Variants in DDX60L observed in about 807,000 individuals in gnomAD.
DDX60L encodes the protein probable ATP-dependent RNA helicase DDX60-like.
A neutral mutation model predicts 211.6 loss-of-function variants in DDX60L; 191 were observed. The ratio of observed to expected loss-of-function variants is 0.90; its 90% CI spans 0.80 to 1.02. DDX60L has a LOEUF of 1.02. DDX60L is among the 50% of genes least tolerant of loss of function. DDX60L has a pLI of 0.00. For synonymous variants in DDX60L, 706 were observed against 694.1 expected (o/e 1.02, Z -0.27); for missense variants, 2,007 against 1,984.1 (o/e 1.01, Z -0.22).
rs755889103 is a variant in DDX60L, at chr4:168,416,686, T to C, written c.2722A>G (p.Thr908Ala). Residue 908 changes from threonine (T) to alanine (A), a missense_variant, in exon 20 of 38, where the codon ACC becomes GCC. Transcript: ENST00000682922. ...ACTCTTTTTACCTATACCTACTTGG[T>C]GAGAAGATTTGGGTTATTTATGGTA... ...SATINNPNLL[T>A]KWLQSVKQYW... 1 of 1,588,064 alleles carries C rather than the reference T, an allele frequency of 6.3e-7. No homozygotes were observed. The highest frequency in any genetic ancestry group is 2.2e-5 in the East Asian group (1 of 44,466).
chr4:168,376,795 G>T (rs1742022850), intron 33 of DDX60L, among the ~76,000 whole-genome samples: 1 of 152,192 alleles, frequency 6.6e-6, no homozygotes, highest in African/African-American at 2.4e-5. Context: ...GCCCCATCAG[G>T]AGAGCAAGCT....
At chr4:168,378,504 TAAG>T in intron 32 of DDX60L, 29 bp from the exon 33 acceptor site, 3 of 1,483,064 alleles carry the variant, frequency 2.0e-6, no homozygotes, top group Non-Finnish European at 2.7e-6. Flanking sequence ...TTATTATAAA[TAAG>T]AATAATGTTG....
chr4:168,391,408 C>T, intron 29 of DDX60L, 132 bp downstream of exon 29: 1 of 627,478 alleles, frequency 1.6e-6, no homozygotes, highest in Non-Finnish European at 2.9e-6. Flanking sequence ...CCACTCAACT[C>T]AAAAATGCTA....
At chr4:168,472,080 C>T (rs1758859492) in intron 3 of DDX60L, 144 bp from the exon 4 acceptor site, 2 of 636,502 alleles carry the variant, frequency 3.1e-6, no homozygotes. Context: ...CTCATTTAAG[C>T]AACTGTCCTT....
intron 4 of DDX60L, among the ~76,000 whole-genome samples, chr4:168,463,228 A>G (rs1023250669): frequency 1.3e-5 from 2 of 152,362 alleles, no homozygotes; most frequent in Admixed American, 6.5e-5. Flanking sequence ...ACATGAAATC[A>G]AACTAAGTCA....
chr4:168,467,168 G>C (rs886555054), intron 4 of DDX60L, among the ~76,000 whole-genome samples: 7 of 152,074 alleles, frequency 4.6e-5, no homozygotes, highest in African/African-American at 1.7e-4. Flanking sequence ...CAACACTCTG[G>C]GTGGCCAAGA....
At chr4:168,471,222 C>T (rs928726654) in intron 4 of DDX60L, among the ~76,000 whole-genome samples, 3 of 152,044 alleles carry the variant, frequency 2.0e-5, no homozygotes, top group Non-Finnish European at 2.9e-5. Flanking sequence ...TATTTTGAAA[C>T]GTACCCCCAA....
chr4:168,421,774 C>G lies in DDX60L; in HGVS notation c.2380G>C (p.Val794Leu), dbSNP rs376164834. 6.2e-7 allele frequency: 1 copy of G among 1,613,958 alleles called. No individual in the cohort carries two copies. Among genetic ancestry groups the G allele is most frequent in the East Asian group, 2.2e-5 (1 of 44,902 alleles). The stretch of plus-strand genomic sequence containing the variant: ...TCAAACACTACCTTTGCGGGTGCAA[C>G]GTACACAACCACCCCGACATCGCTC... ...RESDVGVVVY[V>L]APAKSLVGQV... The change falls in exon 17 of 38, where the codon GTT becomes CTT. Residue 794 changes from valine (V) to leucine (L), a missense_variant. Physicochemically the swap from Val to Leu is conservative, Grantham distance 32. Coordinates refer to ENST00000682922, the MANE Select transcript of DDX60L (RefSeq NM_001012967.3).
rs1269651698 is a variant in DDX60L, at chr4:168,391,696, G to C, written c.3811-52C>G. 5.1e-6 allele frequency: 5 copies of C among 978,672 alleles called. No homozygotes were observed. The East Asian group carries it at 1.4e-4, about 27-fold the overall frequency. 60.6% of individuals were successfully genotyped at this position (978,672 alleles called of 1,614,324 possible). A position where few individuals can be genotyped will look rare whatever the true frequency, so the allele number is the denominator to read the frequency against. ...ATACACAATATAGCATATCTATAAG[G>C]ACACAAGATCTATTTTCCACTCCAG... On this transcript the variant is annotated intron_variant, in intron 28 of 37. Coordinates refer to ENST00000682922, the MANE Select transcript of DDX60L (RefSeq NM_001012967.3).
At chr4:168,410,458 A>G (rs1245537359) in intron 22 of DDX60L, among the ~76,000 whole-genome samples, 2 of 152,246 alleles carry the variant, frequency 1.3e-5, no homozygotes, top group African/African-American at 2.4e-5. Flanking sequence ...GCCAGGCTAC[A>G]AAGTCTGAAA....
At chr4:168,381,141 A>C (rs1026346460) in intron 30 of DDX60L, among the ~76,000 whole-genome samples, 4 of 152,240 alleles carry the variant, frequency 2.6e-5, no homozygotes, top group African/African-American at 7.2e-5. Context: ...GCAGAGTATA[A>C]ATCTGAAAAA....
chr4:168,361,223 A>G lies in DDX60L; in HGVS notation c.4929-12T>C, dbSNP rs752770550. 4 of 1,532,502 alleles carry G rather than the reference A, an allele frequency of 2.6e-6. No individual in the cohort carries two copies. The highest frequency in any genetic ancestry group is 1.7e-4 in the Middle Eastern group (1 of 5,880). 94.9% of individuals were successfully genotyped at this position (1,532,502 alleles called of 1,614,324 possible). A position where few individuals can be genotyped will look rare whatever the true frequency, so the allele number is the denominator to read the frequency against. ...GTCCCATACGCATCCTAAAGAGAAC[A>G]ACATTTCTTAATTAAAAAGTATAAA... On this transcript the variant is annotated splice_polypyrimidine_tract_variant and intron_variant, in intron 36 of 37. Coordinates refer to ENST00000682922, the MANE Select transcript of DDX60L (RefSeq NM_001012967.3).
intron 36 of DDX60L, among the ~76,000 whole-genome samples, chr4:168,364,882 A>G (rs1210861570): frequency 2.0e-5 from 3 of 152,230 alleles, no homozygotes; most frequent in Non-Finnish European, 4.4e-5. Context: ...ATGCTCTGGA[A>G]AATTTACAAA....
At position 168,365,378 on chromosome 4, in the gene DDX60L, C is replaced by G. The variant is rs1275913045; in HGVS notation, c.4929-4167G>C. ...CAGAAGTACAAAAAATAATAAGATA[C>G]TATTATCAACAACTATACACTAACA... is the stretch of plus-strand genomic sequence containing the variant. On this transcript the variant is annotated intron_variant, in intron 36 of 37. Coordinates refer to ENST00000682922, the MANE Select transcript of DDX60L (RefSeq NM_001012967.3). Among the ~76,000 whole-genome samples the G allele has an allele frequency of 2.0e-5, 3 of 151,852 alleles. No homozygotes were observed. The South Asian group carries it at 6.2e-4, about 32-fold the overall frequency.
chr4:168,384,368 T>C (rs969282426), intron 30 of DDX60L, among the ~76,000 whole-genome samples: 2 of 152,144 alleles, frequency 1.3e-5, no homozygotes, highest in Non-Finnish European at 2.9e-5. Flanking sequence ...ACACCTGTAG[T>C]CCCAGCTACT....
At chr4:168,418,722 A>G (rs887211938) in intron 19 of DDX60L, among the ~76,000 whole-genome samples, 1 of 150,256 alleles carries the variant, frequency 6.7e-6, no homozygotes, top group African/African-American at 2.4e-5. Context: ...TTTGATAATA[A>G]CATAGCTATG....
rs138621715 is a variant in DDX60L, at chr4:168,401,717, G to T, written c.3339-739C>A. ...CTCATTCTAGGCTGAGTTCACCATA[G>T]AATTTTTTCGAATACTACTTGTGAG... On this transcript the variant is annotated intron_variant, in intron 25 of 37. Transcript: ENST00000682922. 6.4e-3 allele frequency among the ~76,000 whole-genome samples: 980 copies of T among 152,254 alleles called. 9 individuals are homozygous for T. The highest frequency in any genetic ancestry group is 0.01 in the Non-Finnish European group (700 of 68,026).
At chr4:168,388,114 T>C (rs1259094954) in intron 29 of DDX60L, among the ~76,000 whole-genome samples, 1 of 152,244 alleles carries the variant, frequency 6.6e-6, no homozygotes, top group Admixed American at 6.5e-5. Context: ...TAATTGCTAT[T>C]TGAGATACAA....
chr4:168,402,039 T>A (rs759807027), intron 25 of DDX60L, among the ~76,000 whole-genome samples: 1 of 151,972 alleles, frequency 6.6e-6, no homozygotes, highest in South Asian at 2.1e-4. Flanking sequence ...CCAAAGGAAA[T>A]TTTAAAATGT....
Sources: allele counts gnomAD v4.1 joint callset (sites outside exome capture counted in the v4.1 genomes callset), GRCh38; gene constraint gnomAD v4.1.1; transcripts MANE v1.5; gene names NCBI Gene and HGNC (gene_info 2026-07-23, HGNC 2026-07-21).